Variants in SBF2 observed in about 807,000 individuals in gnomAD.
The protein encoded by SBF2 is SET binding factor 2.
In SBF2, 112 loss-of-function variants were observed where a neutral mutation model predicts 225.2. That is an observed-to-expected ratio of 0.50 (90% confidence interval 0.43 to 0.58). The LOEUF (loss-of-function observed/expected upper bound fraction) is 0.58, where lower values mean the gene tolerates loss of function less well. SBF2 is among the 20% of genes least tolerant of loss of function. The pLI is 0.00. For missense variants in SBF2, 1,996 were observed against 2,206.2 expected (o/e 0.90, Z 1.91); for synonymous variants, 763 against 773.3 (o/e 0.99, Z 0.22).
chr11:10,136,502 C>G (rs1451056078), intron 2 of SBF2, among the ~76,000 whole-genome samples: 1 of 152,146 alleles, frequency 6.6e-6, no homozygotes, highest in African/African-American at 2.4e-5. Flanking sequence ...GAAGCCTCCA[C>G]AAAAAGCCTA....
intron 2 of SBF2, among the ~76,000 whole-genome samples, chr11:10,144,334 C>A (rs1954791585): frequency 6.6e-6 from 1 of 151,888 alleles, no homozygotes; most frequent in Admixed American, 6.6e-5. Context: ...CAAAAAAACA[C>A]AAAAATTAGC....
chr11:10,006,429 A>T (rs945778528), intron 6 of SBF2, among the ~76,000 whole-genome samples: 4 of 152,164 alleles, frequency 2.6e-5, no homozygotes, highest in African/African-American at 9.7e-5. Context: ...TGTTCCTGTT[A>T]CGGTCCAGGG....
At chr11:10,076,661 G>C (rs139845039) in intron 2 of SBF2, among the ~76,000 whole-genome samples, 347 of 152,334 alleles carry the variant, frequency 2.3e-3, no homozygotes, top group African/African-American at 7.4e-3. Context: ...CCATGGGAGG[G>C]AGCCCTGCCA....
rs763688115 is a variant in SBF2 at position 10,004,574 on chromosome 11, T to TAAAAAAAA, written c.620-1893_620-1886dup. Among the ~76,000 whole-genome samples, 15 of 85,528 alleles carry TAAAAAAAA rather than the reference T, an allele frequency of 1.8e-4. 2 individuals are homozygous for TAAAAAAAA. Among genetic ancestry groups the TAAAAAAAA allele is most frequent in the Middle Eastern group, 8.9e-3 (1 of 112 alleles). The allele number at this position is 85,528 out of a possible 152,430, so 56.1% of individuals were successfully genotyped here. On this transcript the variant is annotated intron_variant, in intron 6 of 39. Coordinates refer to ENST00000256190, the MANE Select transcript of SBF2 (RefSeq NM_030962.4). ...TCCTAAGTAAGATAGCTACAAAAAT[T>TAAAAAAAA]AAAAAAAAAAAAAAAAAAAAACAAA...
chr11:10,039,431 A>C (rs932016893), intron 3 of SBF2, among the ~76,000 whole-genome samples: 1 of 151,982 alleles, frequency 6.6e-6, no homozygotes, highest in East Asian at 1.9e-4. Flanking sequence ...GTTTCCAGAA[A>C]AGTGGTCTTA....
chr11:9,967,971 C>CTCTCTCTATA (rs1260685462), intron 14 of SBF2, among the ~76,000 whole-genome samples: 1 of 91,508 alleles, frequency 1.1e-5, no homozygotes, highest in South Asian at 3.4e-4. Context: ...CTCTCTCTCT[C>CTCTCTCTATA]TATATATATA....
intron 16 of SBF2, among the ~76,000 whole-genome samples, chr11:9,937,231 T>C (rs1253500151): frequency 2.6e-5 from 4 of 152,164 alleles, no homozygotes; most frequent in African/African-American, 9.7e-5. Flanking sequence ...GACATCACTA[T>C]AACATTTCTG....
intron 2 of SBF2, among the ~76,000 whole-genome samples, chr11:10,071,585 G>A (rs1428624646): frequency 6.6e-6 from 1 of 152,074 alleles, no homozygotes; most frequent in Non-Finnish European, 1.5e-5. Flanking sequence ...GTTTTCAAAG[G>A]GAATGCTTCC....
chr11:9,881,610 T>A (rs1859766794), intron 17 of SBF2, among the ~76,000 whole-genome samples: 2 of 152,156 alleles, frequency 1.3e-5, no homozygotes, highest in Non-Finnish European at 2.9e-5. Context: ...CACTTTGGCA[T>A]GGAGCATGCC....
At chr11:10,055,189 A>C (rs1328226198) in intron 2 of SBF2, among the ~76,000 whole-genome samples, 1 of 152,184 alleles carries the variant, frequency 6.6e-6, no homozygotes, top group African/African-American at 2.4e-5. Flanking sequence ...GGTGTGAGCC[A>C]CCAAGCCCGG....
At chr11:10,083,685 A>G (rs1590919764) in intron 2 of SBF2, among the ~76,000 whole-genome samples, 1 of 152,194 alleles carries the variant, frequency 6.6e-6, no homozygotes, top group Non-Finnish European at 1.5e-5. Context: ...GGAGAAGAAT[A>G]AAATAGAACC....
chr11:9,899,350 A>AC (rs751629603), intron 16 of SBF2, among the ~76,000 whole-genome samples: 162 of 150,866 alleles, frequency 1.1e-3, no homozygotes, highest in Non-Finnish European at 4.3e-4. Flanking sequence ...AAAAAAAAAA[A>AC]AAAACTGGCC....
intron 16 of SBF2, among the ~76,000 whole-genome samples, chr11:9,938,303 G>GA (rs67208106): frequency 2.1e-5 from 3 of 143,202 alleles, no homozygotes; most frequent in Admixed American, 7.0e-5. Flanking sequence ...AAAAAAAAAA[G>GA]AAAAAAAAAA....
At chr11:9,832,981 CA>C (rs1444594216) in intron 26 of SBF2, among the ~76,000 whole-genome samples, 12 of 152,176 alleles carry the variant, frequency 7.9e-5, no homozygotes, top group Non-Finnish European at 1.6e-4. Flanking sequence ...TACTTTTCCA[CA>C]ACTTGAAATA....
Position 9,853,617 on chromosome 11 carries a change from GT to G in SBF2, c.2458del (p.Thr820ProfsTer24). On this transcript the variant is annotated frameshift_variant, in exon 20 of 40. Coordinates refer to ENST00000256190, the MANE Select transcript of SBF2 (RefSeq NM_030962.4). LOFTEE classifies it high-confidence loss of function. The stretch of plus-strand genomic sequence containing the variant: ...TGTACAAACTTTGTCAATAAATCGG[GT>G]AATGAACCGCACAACAGAATTGGCA... ...DIANSVVRFI[T>X]RFIDKVCTES... The G allele has an allele frequency of 1.2e-6, 2 of 1,613,860 alleles. No homozygotes were observed. The highest frequency in any genetic ancestry group is 1.7e-6 in the Non-Finnish European group (2 of 1,179,884).
In SBF2 at chr11:9,974,554, C is replaced by T. The variant is rs76119583; in HGVS notation, c.1396-6009G>A. Among the ~76,000 whole-genome samples the T allele has an allele frequency of 3.0e-3, 450 of 151,796 alleles. 1 individual carries two copies. Among genetic ancestry groups the T allele is most frequent in the African/African-American group, 9.9e-3 (410 of 41,346 alleles). The stretch of plus-strand genomic sequence containing the variant: ...CAACATACAGTGACCAGCTAACAGT[C>T]CTATACTCTCACTCACCTGCTGAAA... On this transcript the variant is annotated intron_variant, in intron 13 of 39. Coordinates refer to ENST00000256190, the MANE Select transcript of SBF2 (RefSeq NM_030962.4).
intron 2 of SBF2, among the ~76,000 whole-genome samples, chr11:10,075,513 T>C (rs571236726): frequency 8.5e-5 from 13 of 152,330 alleles, no homozygotes; most frequent in African/African-American, 2.9e-4. Flanking sequence ...TGAAAGGTGA[T>C]TGGATCATCG....
At chr11:10,270,101 ATTTAC>A (rs1962345328) in intron 1 of SBF2, among the ~76,000 whole-genome samples, 1 of 152,178 alleles carries the variant, frequency 6.6e-6, no homozygotes. Flanking sequence ...TGATAAATTT[ATTTAC>A]TTTAAATTAT....
intron 1 of SBF2, among the ~76,000 whole-genome samples, chr11:10,196,866 A>ATATATATATATATATATATATATATTTT: frequency 6.0e-5 from 6 of 99,302 alleles, no homozygotes; most frequent in South Asian, 3.5e-4. Context: ...ATATATATAT[A>ATATATATATATATATATATATATATTTT]TTTTTTTTTT....
Sources: gnomAD v4.1 joint callset for allele counts (sites outside exome capture counted in the v4.1 genomes callset) on GRCh38, gnomAD v4.1.1 for gene constraint, MANE v1.5 for transcripts, NCBI Gene and HGNC (gene_info 2026-07-23, HGNC 2026-07-21) for gene names.